The following ENTREP2 variants were observed in gnomAD, a reference collection of about 807,000 sequenced individuals.
ENTREP2 encodes protein ENTREP2.
chr15:29,461,500 G>A, the ENTREP2 span, among the ~76,000 whole-genome samples: 1 of 151,540 alleles, frequency 6.6e-6, no homozygotes, highest in African/African-American at 2.4e-5. Context: ...ATCATTTTTT[G>A]AGACGGAGTC....
the ENTREP2 span, among the ~76,000 whole-genome samples, chr15:29,181,831 C>T: frequency 1.3e-5 from 2 of 152,146 alleles, no homozygotes; most frequent in Admixed American, 1.3e-4. Flanking sequence ...TTCCCTTCAT[C>T]TGGCAAATAA....
At chr15:29,176,539 G>C in the ENTREP2 span, among the ~76,000 whole-genome samples, 1 of 152,178 alleles carries the variant, frequency 6.6e-6, no homozygotes, top group African/African-American at 2.4e-5. Context: ...ACCAGACAAA[G>C]GATAAAATGG....
At chr15:29,233,902 A>G in the ENTREP2 span, 1 of 1,575,916 alleles carries the variant, frequency 6.3e-7, no homozygotes, top group Non-Finnish European at 8.7e-7. Context: ...TAGAGGATGT[A>G]GATGGCTGAA....
At chr15:29,514,473 G>A in the ENTREP2 span, among the ~76,000 whole-genome samples, 1 of 152,178 alleles carries the variant, frequency 6.6e-6, no homozygotes, top group Non-Finnish European at 1.5e-5. Context: ...GGACACTTGG[G>A]TAGCTCCCAC....
At chr15:29,554,001 T>C in the ENTREP2 span, among the ~76,000 whole-genome samples, 9 of 152,168 alleles carry the variant, frequency 5.9e-5, no homozygotes, top group Admixed American at 5.9e-4. Flanking sequence ...GTTACAACAG[T>C]AACTGGAATT....
the ENTREP2 span, among the ~76,000 whole-genome samples, chr15:29,462,615 C>CTAATAA: frequency 2.2e-4 from 34 of 151,566 alleles, no homozygotes; most frequent in African/African-American, 8.2e-4. Flanking sequence ...GATCTCAAAA[C>CTAATAA]TAATAATAAT....
chr15:29,297,299 T>C, the ENTREP2 span, among the ~76,000 whole-genome samples: 1 of 152,132 alleles, frequency 6.6e-6, no homozygotes, highest in Admixed American at 6.6e-5. Context: ...CTGGCCAAAC[T>C]TAGAACAGTG....
the ENTREP2 span, among the ~76,000 whole-genome samples, chr15:29,393,133 G>A: frequency 1.3e-5 from 2 of 152,292 alleles, no homozygotes; most frequent in Non-Finnish European, 2.9e-5. Context: ...GTTGTCCCAG[G>A]AGGGTATCAA....
At chr15:29,196,682 AGTGT>A in the ENTREP2 span, 1 of 1,096,084 alleles carries the variant, frequency 9.1e-7, no homozygotes, top group South Asian at 2.1e-5. Flanking sequence ...AGCCTGTTTC[AGTGT>A]GTTTAAGTAG....
the ENTREP2 span, among the ~76,000 whole-genome samples, chr15:29,188,347 A>C: frequency 1.9e-3 from 296 of 152,228 alleles, 1 homozygote; most frequent in Non-Finnish European, 3.6e-3. Flanking sequence ...TGCACCCATC[A>C]ACACATCATC....
At chr15:29,157,532 T>C in the ENTREP2 span, among the ~76,000 whole-genome samples, 17 of 152,180 alleles carry the variant, frequency 1.1e-4, no homozygotes, top group Admixed American at 1.1e-3. Context: ...GCTGAGTGCC[T>C]TTTCTCTCCT....
the ENTREP2 span, chr15:29,128,664 A>G: frequency 1.4e-5 from 11 of 772,990 alleles, no homozygotes; most frequent in Admixed American, 1.6e-4. Context: ...CCTCTTAAAG[A>G]GTAAGAAATG....
chr15:29,439,599 G>T, the ENTREP2 span, among the ~76,000 whole-genome samples: 2 of 152,074 alleles, frequency 1.3e-5, no homozygotes, highest in Non-Finnish European at 2.9e-5. Flanking sequence ...ATTGCTGCTG[G>T]GCCCAGATCC....
chr15:29,479,644 C>G, the ENTREP2 span, among the ~76,000 whole-genome samples: 1 of 150,388 alleles, frequency 6.6e-6, no homozygotes, highest in African/African-American at 2.5e-5. Context: ...CTCCCTCTCT[C>G]TCTGTCTGTC....
chr15:29,162,701 C>G, the ENTREP2 span, among the ~76,000 whole-genome samples: 4 of 152,002 alleles, frequency 2.6e-5, no homozygotes, highest in East Asian at 1.9e-4. Flanking sequence ...GCCCCACCCC[C>G]ACCTGATCGT....
chr15:29,524,208 A>C, the ENTREP2 span, among the ~76,000 whole-genome samples: 2 of 152,210 alleles, frequency 1.3e-5, no homozygotes, highest in African/African-American at 4.8e-5. Context: ...AAAATGAGCC[A>C]AGGATTTGCA....
the ENTREP2 span, among the ~76,000 whole-genome samples, chr15:29,617,855 G>A: frequency 6.6e-6 from 1 of 152,158 alleles, no homozygotes; most frequent in South Asian, 2.1e-4. Flanking sequence ...CCTGACAGAG[G>A]GCCTGTGTCT....
chr15:29,118,802 C>CACTTACTT, the ENTREP2 span, among the ~76,000 whole-genome samples: 12 of 151,744 alleles, frequency 7.9e-5, no homozygotes, highest in East Asian at 1.9e-4. Context: ...GCTCTGCCAG[C>CACTTACTT]ACTTACCTTT....
chr15:29,263,508 C>G, the ENTREP2 span, among the ~76,000 whole-genome samples: 2 of 152,156 alleles, frequency 1.3e-5, no homozygotes, highest in Admixed American at 6.5e-5. Flanking sequence ...AAGCTAAGCG[C>G]ACCCATGTGG....
Sources: allele counts gnomAD v4.1 joint callset (sites outside exome capture counted in the v4.1 genomes callset), GRCh38; gene constraint gnomAD v4.1.1; transcripts MANE v1.5; gene names NCBI Gene and HGNC (gene_info 2026-07-23, HGNC 2026-07-21).